The following SLC25A13 variants were observed in gnomAD, a reference collection of about 807,000 sequenced individuals.
SLC25A13 encodes the protein solute carrier family 25 member 13, also known as electrogenic aspartate/glutamate antiporter SLC25A13, mitochondrial.
SLC25A13 carries 70 observed loss-of-function variants against 85.5 expected under a neutral mutation model. The observed-to-expected ratio is 0.82, with a 90% confidence interval of 0.68 to 1.00. The LOEUF (loss-of-function observed/expected upper bound fraction) is 1.00. SLC25A13 is among the 50% of genes least tolerant of loss of function. The pLI, the probability that SLC25A13 is intolerant of heterozygous loss-of-function variation, is 0.00. For synonymous variants in SLC25A13, 259 were observed against 288.7 expected, an observed-to-expected ratio of 0.90 and a Z score of 1.04; for missense variants, 765 against 819.8, an observed-to-expected ratio of 0.93 and a Z score of 0.82.
chr7:96,301,652 G>A (rs1032655481), intron 1 of SLC25A13, among the ~76,000 whole-genome samples: 9 of 150,590 alleles, frequency 6.0e-5, no homozygotes, highest in African/African-American at 2.2e-4. Flanking sequence ...TTTTTAGTTG[G>A]GGGTCTCATT....
At chr7:96,291,229 A>G (rs1351912397) in intron 2 of SLC25A13, among the ~76,000 whole-genome samples, 3 of 152,314 alleles carry the variant, frequency 2.0e-5, no homozygotes, top group Admixed American at 6.5e-5. Flanking sequence ...CTTTGAAACC[A>G]ATGAGAACAA....
At chr7:96,214,625 G>A (rs773860924) in intron 4 of SLC25A13, among the ~76,000 whole-genome samples, 5 of 152,088 alleles carry the variant, frequency 3.3e-5, no homozygotes, top group Non-Finnish European at 4.4e-5. Flanking sequence ...TACTCAGGAG[G>A]CTGAGGCAGG....
intron 13 of SLC25A13, among the ~76,000 whole-genome samples, chr7:96,164,288 T>C (rs886289655): frequency 3.9e-5 from 6 of 152,132 alleles, no homozygotes; most frequent in Admixed American, 1.3e-4. Flanking sequence ...GAGAACCTGT[T>C]CCCCCAGCCA....
intron 4 of SLC25A13, among the ~76,000 whole-genome samples, chr7:96,228,357 G>C (rs564877642): frequency 1.3e-5 from 2 of 152,270 alleles, no homozygotes; most frequent in East Asian, 3.9e-4. Flanking sequence ...GACTGAAGAA[G>C]ATAGCCAAAT....
chr7:96,121,022 G>A lies in SLC25A13; in HGVS notation c.*169C>T, dbSNP rs1474149707. On this transcript the variant is annotated 3_prime_UTR_variant, in exon 18 of 18. Transcript: ENST00000265631. Reference sequence around the variant, plus strand: ...ATTATGAATAATTTCACAATGATCTGGTTAAGAAAACACCCAGAAAATGAA... The same window carrying A: ...ATTATGAATAATTTCACAATGATCTAGTTAAGAAAACACCCAGAAAATGAA... 3.8e-6 allele frequency: 3 copies of A among 790,822 alleles called. No individual in the cohort carries two copies. The highest frequency in any genetic ancestry group is 6.4e-6 in the Non-Finnish European group (3 of 467,026). 49.0% of individuals were successfully genotyped at this position (790,822 alleles called of 1,614,324 possible). A position where few individuals can be genotyped will look rare whatever the true frequency, so the allele number is the denominator to read the frequency against.
chr7:96,230,383 C>T (rs562740746), intron 4 of SLC25A13, among the ~76,000 whole-genome samples: 39 of 152,266 alleles, frequency 2.6e-4, no homozygotes, highest in South Asian at 2.1e-4. Flanking sequence ...TGATCTGGCT[C>T]GTGGTAAGCA....
chr7:96,223,941 T>C (rs932482099), intron 4 of SLC25A13, among the ~76,000 whole-genome samples: 2 of 152,160 alleles, frequency 1.3e-5, no homozygotes, highest in Non-Finnish European at 2.9e-5. Flanking sequence ...CACTGGTATA[T>C]ATGCCAAATA....
chr7:96,266,257 A>G (rs1297356057), intron 3 of SLC25A13, among the ~76,000 whole-genome samples: 2 of 152,188 alleles, frequency 1.3e-5, no homozygotes, highest in Non-Finnish European at 2.9e-5. Flanking sequence ...TCCACTGGCT[A>G]CACTTTGAGG....
chr7:96,247,498 G>T (rs1797242821), intron 3 of SLC25A13, among the ~76,000 whole-genome samples: 1 of 152,026 alleles, frequency 6.6e-6, no homozygotes, highest in African/African-American at 2.4e-5. Context: ...GAAAGATTAG[G>T]CTTTAAAATG....
chr7:96,315,667 T>C (rs962875530), intron 1 of SLC25A13, among the ~76,000 whole-genome samples: 1 of 152,200 alleles, frequency 6.6e-6, no homozygotes, highest in African/African-American at 2.4e-5. Context: ...ATATTTGTTT[T>C]AATAATCATC....
At chr7:96,315,420 C>T (rs1049813526) in intron 1 of SLC25A13, among the ~76,000 whole-genome samples, 1 of 152,108 alleles carries the variant, frequency 6.6e-6, no homozygotes, top group South Asian at 2.1e-4. Context: ...TTATACCAGT[C>T]CAGAAGACTT....
At chr7:96,316,649 T>G (rs1285937136) in intron 1 of SLC25A13, among the ~76,000 whole-genome samples, 1 of 152,228 alleles carries the variant, frequency 6.6e-6, no homozygotes, top group Non-Finnish European at 1.5e-5. Flanking sequence ...TTTTCTCACC[T>G]GTAAGTTGAA....
At chr7:96,225,261 A>G (rs1284868770) in intron 4 of SLC25A13, among the ~76,000 whole-genome samples, 2 of 152,156 alleles carry the variant, frequency 1.3e-5, no homozygotes, top group Non-Finnish European at 2.9e-5. Context: ...TCTCAGGAAC[A>G]GCCCAGTGTG....
At chr7:96,136,951 C>A (rs6971284) in intron 14 of SLC25A13, among the ~76,000 whole-genome samples, 1 of 152,090 alleles carries the variant, frequency 6.6e-6, no homozygotes, top group African/African-American at 2.4e-5. Context: ...TCAGAGCCAC[C>A]CAGCCCTCTT....
At chr7:96,315,988 G>A (rs1381229542) in intron 1 of SLC25A13, among the ~76,000 whole-genome samples, 1 of 152,052 alleles carries the variant, frequency 6.6e-6, no homozygotes, top group Non-Finnish European at 1.5e-5. Flanking sequence ...GCTGGGTGTG[G>A]TGGTGTGTGC....
intron 3 of SLC25A13, among the ~76,000 whole-genome samples, chr7:96,237,669 G>C (rs1198035661): frequency 2.0e-5 from 3 of 152,138 alleles, no homozygotes; most frequent in Non-Finnish European, 4.4e-5. Flanking sequence ...AAACCTGAGT[G>C]GGGGCCCTAG....
chr7:96,262,967 G>C (rs1439304574), intron 3 of SLC25A13, among the ~76,000 whole-genome samples: 1 of 145,072 alleles, frequency 6.9e-6, no homozygotes, highest in African/African-American at 2.5e-5. Context: ...ACCAGATATG[G>C]AACCCTATAT....
chr7:96,178,421 C>T (rs1794305227), intron 11 of SLC25A13, among the ~76,000 whole-genome samples: 2 of 152,124 alleles, frequency 1.3e-5, no homozygotes, highest in East Asian at 3.9e-4. Context: ...CAGCTGAGAG[C>T]ATCTAATAGA....
At chr7:96,317,111 C>T (rs1315798685) in intron 1 of SLC25A13, among the ~76,000 whole-genome samples, 2 of 152,110 alleles carry the variant, frequency 1.3e-5, no homozygotes, top group East Asian at 3.9e-4. Context: ...GCTGAGATTA[C>T]AAGAATGCAC....
Sources: gnomAD v4.1 joint callset for allele counts (sites outside exome capture counted in the v4.1 genomes callset) on GRCh38, gnomAD v4.1.1 for gene constraint, MANE v1.5 for transcripts, NCBI Gene and HGNC (gene_info 2026-07-23, HGNC 2026-07-21) for gene names.